MASP2: variants seen among roughly 807,000 people sequenced by gnomAD.
The protein encoded by MASP2 is MBL associated serine protease 2, also known as mannan-binding lectin serine protease 2.
Under a neutral mutation model 57.1 loss-of-function variants are expected in MASP2, and 49 were observed. The ratio of observed to expected loss-of-function variants is 0.86; its 90% CI spans 0.68 to 1.09. The LOEUF is 1.09. Ranked by LOEUF, MASP2 falls within the 50% of genes least tolerant of loss-of-function variation. The pLI is 0.00. For synonymous variants in MASP2, 379 were observed against 340.8 expected (o/e 1.11, Z -1.24); for missense variants, 900 against 874.8 (o/e 1.03, Z -0.36).
chr1:11,033,932 C>G (rs1316779236), intron 8 of MASP2, among the ~76,000 whole-genome samples: 1 of 126,454 alleles, frequency 7.9e-6, no homozygotes, highest in African/African-American at 3.1e-5. Flanking sequence ...CTCCGACACA[C>G]ACACACACAC....
At chr1:11,028,983 C>CT (rs200906324) in intron 10 of MASP2, among the ~76,000 whole-genome samples, 7 of 134,528 alleles carry the variant, frequency 5.2e-5, no homozygotes, top group African/African-American at 8.3e-5. Flanking sequence ...AAAGTGCTGA[C>CT]TTTTTTTTTC....
chr1:11,030,093 C>G (rs1287199162), intron 10 of MASP2, 83 bp downstream of exon 10: 1 of 967,892 alleles, frequency 1.0e-6, no homozygotes, highest in African/African-American at 1.6e-5. Context: ...TTCTGCCTAC[C>G]ACAGCTAAAG....
chr1:11,037,725 TGGA>T lies in MASP2; in HGVS notation c.973_975del (p.Ser325del), dbSNP rs760401417. 3.1e-6 allele frequency: 5 copies of T among 1,612,154 alleles called. No individual in the cohort carries two copies. In the African/African-American group the frequency reaches 6.7e-5, roughly 22 times the overall value. On this transcript the variant is annotated inframe_deletion, in exon 7 of 11. Transcript: ENST00000400897. ...AGCTCATAGCCAGTCTCGCAAAAGA[TGGA>T]GAAGCTGTCTTTCAGGATGTATTTG... is the stretch of plus-strand genomic sequence containing the variant.
chr1:11,030,585 A>G, intron 9 of MASP2, 163 bp downstream of exon 9: 2 of 764,210 alleles, frequency 2.6e-6, no homozygotes, highest in Non-Finnish European at 2.0e-6. Flanking sequence ...GCAAATTGAC[A>G]TTAAAGTCAC....
At chr1:11,038,125 AAG>A (rs1638308088) in intron 6 of MASP2, among the ~76,000 whole-genome samples, 2 of 152,174 alleles carry the variant, frequency 1.3e-5, no homozygotes, top group African/African-American at 2.4e-5. Flanking sequence ...GCTCAAAACC[AAG>A]AGAGAGTGTA....
At chr1:11,030,979 A>C (rs1643834641) in intron 8 of MASP2, 97 bp from the exon 9 acceptor site, 1 of 1,292,298 alleles carries the variant, frequency 7.7e-7, no homozygotes, top group African/African-American at 1.5e-5. Context: ...GAGGCGGGCA[A>C]ATCCCTTGAG....
chr1:11,030,587 T>C, intron 9 of MASP2, 161 bp downstream of exon 9: 1 of 774,712 alleles, frequency 1.3e-6, no homozygotes, highest in Non-Finnish European at 2.0e-6. Flanking sequence ...AAATTGACAT[T>C]AAAGTCACTT....
At chr1:11,044,926 AGCTCC>A in intron 4 of MASP2, 1 of 1,606,820 alleles carries the variant, frequency 6.2e-7, no homozygotes, top group Non-Finnish European at 8.5e-7. Flanking sequence ...GGCAGGCCGG[AGCTCC>A]AGGGGAGGCT....
At chr1:11,032,239 GCCC>G (rs1002991493) in intron 8 of MASP2, among the ~76,000 whole-genome samples, 1 of 152,082 alleles carries the variant, frequency 6.6e-6, no homozygotes, top group African/African-American at 2.4e-5. Context: ...ACATAAAATT[GCCC>G]CCCTTTTCTA....
intron 6 of MASP2, among the ~76,000 whole-genome samples, chr1:11,041,729 GGATGGGT>G: frequency 6.5e-3 from 2 of 306 alleles, no homozygotes; most frequent in Non-Finnish European, 0.012. Flanking sequence ...ATGGATGGAT[GGATGGGT>G]GAAGAATGGG....
chr1:11,043,072 T>G, intron 5 of MASP2, 50 bp from the exon 6 acceptor site: 2 of 1,595,690 alleles, frequency 1.3e-6, no homozygotes, highest in Non-Finnish European at 8.6e-7. Flanking sequence ...GGGTCTGGCC[T>G]GGGCCGGAGG....
chr1:11,033,963 ACACT>A (rs1251534278), intron 8 of MASP2, among the ~76,000 whole-genome samples: 35 of 8,466 alleles, frequency 4.1e-3, no homozygotes, highest in South Asian at 0.025. Flanking sequence ...ACACACACAC[ACACT>A]CTCTCTCTCT....
At chr1:11,045,827 G>C (rs1638622116) in intron 3 of MASP2, 4 of 496,714 alleles carry the variant, frequency 8.1e-6, no homozygotes, top group Non-Finnish European at 1.5e-5. Context: ...AAACCCAGGG[G>C]GCGGGGCTAC....
chr1:11,037,585 A>T (rs1246786736), intron 7 of MASP2, 108 bp downstream of exon 7: 6 of 674,940 alleles, frequency 8.9e-6, no homozygotes, highest in African/African-American at 1.8e-5. Context: ...AAAAGAAATC[A>T]TGCTGACACA....
At chr1:11,033,959 ACACACACT>A (rs1304400754) in intron 8 of MASP2, among the ~76,000 whole-genome samples, 39 of 28,708 alleles carry the variant, frequency 1.4e-3, no homozygotes, top group East Asian at 5.5e-3. Flanking sequence ...ACACACACAC[ACACACACT>A]CTCTCTCTCT....
At position 11,034,905 on chromosome 1, in the gene MASP2, C is replaced by T. The variant is rs1471674365; in HGVS notation, c.1010G>A (p.Gly337Asp). ...AGTAAAGGATTTCAGGGGCAAGTGACCCTAAAGAAGAATTCAGAATATATT... is the reference window on the plus strand; with the variant it reads ...AGTAAAGGATTTCAGGGGCAAGTGATCCTAAAGAAGAATTCAGAATATATT... ...FCETGYELLQ[G>D]HLPLKSFTAV... The change falls in exon 8 of 11, where the codon GGT becomes GAT. Residue 337 changes from glycine to aspartate, a missense_variant and splice_region_variant. By Grantham distance (94) the Gly-to-Asp change is moderately conservative. Transcript: ENST00000400897. 10 of 1,607,238 alleles carry T rather than the reference C, an allele frequency of 6.2e-6. No individual in the cohort carries two copies. In the Admixed American group the frequency reaches 1.7e-4, roughly 27 times the overall value.
Position 11,037,783 on chromosome 1 carries a change from T to C in MASP2, c.918A>G (p.Pro306=), listed in dbSNP as rs767510993. 1.9e-6 allele frequency: 3 copies of C among 1,612,734 alleles called. No individual in the cohort carries two copies. Among genetic ancestry groups the C allele is most frequent in the Non-Finnish European group, 2.5e-6 (3 of 1,179,532 alleles). Reference sequence around the variant, plus strand: ...GCACAGGTGAAACGTGGCCATTAGGTGGCGCCATCGGATAAGGGCAAGGCT... The same window carrying C: ...GCACAGGTGAAACGTGGCCATTAGGCGGCGCCATCGGATAAGGGCAAGGCT... ...TAQPCPYPMA[P]PNGHVSPVQA... is the part of the protein sequence containing the mutation. The change falls in exon 7 of 11, where the codon CCA becomes CCG. Residue 306 remains proline (P), a synonymous_variant. Coordinates refer to ENST00000400897, the MANE Select transcript of MASP2 (RefSeq NM_006610.4).
chr1:11,045,588 G>A (rs1204564505), intron 3 of MASP2, 49 bp from the exon 4 acceptor site: 4 of 1,553,886 alleles, frequency 2.6e-6, no homozygotes, highest in East Asian at 2.3e-5. Flanking sequence ...AAAGAGGCGG[G>A]ATCCAGCCTG....
intron 8 of MASP2, 107 bp from the exon 9 acceptor site, chr1:11,030,989 G>T: frequency 1.7e-6 from 2 of 1,200,664 alleles, no homozygotes; most frequent in Non-Finnish European, 2.3e-6. Flanking sequence ...AATCCCTTGA[G>T]CTCAGGAGTT....
Sources: allele counts gnomAD v4.1 joint callset (sites outside exome capture counted in the v4.1 genomes callset), GRCh38; gene constraint gnomAD v4.1.1; transcripts MANE v1.5; gene names NCBI Gene and HGNC (gene_info 2026-07-23, HGNC 2026-07-21).